Variants in TP63 observed in about 807,000 individuals in gnomAD.
TP63 encodes tumor protein 63.
A neutral mutation model predicts 82.8 loss-of-function variants in TP63; 17 were observed. The observed-to-expected ratio is 0.21, with a 90% CI of 0.14 to 0.31. The LOEUF is 0.31. Among genes scored for constraint, TP63 ranks in the 10% least tolerant of loss-of-function variants. TP63 has a pLI of 1.00. For missense variants in TP63, 648 were observed against 895.3 expected, an observed-to-expected ratio of 0.72 and a Z score of 3.52; for synonymous variants, 330 against 321.7, an observed-to-expected ratio of 1.03 and a Z score of -0.28.
intron 3 of TP63, among the ~76,000 whole-genome samples, chr3:189,744,687 T>C (rs759743138): frequency 2.6e-4 from 39 of 152,340 alleles, no homozygotes; most frequent in Non-Finnish European, 5.1e-4. Flanking sequence ...GAGGGTTGTC[T>C]TGCCACTGCT....
chr3:189,764,721 A>G (rs1276026808), intron 3 of TP63, among the ~76,000 whole-genome samples: 1 of 152,198 alleles, frequency 6.6e-6, no homozygotes, highest in Non-Finnish European at 1.5e-5. Context: ...TCCTCCCAAG[A>G]AGCTGGGAGC....
rs559344389 is a variant in TP63 at position 189,632,256 on chromosome 3, A to C, written c.62+679A>C. On this transcript the variant is annotated intron_variant, in intron 1 of 13. Coordinates refer to ENST00000264731, the MANE Select transcript of TP63 (RefSeq NM_003722.5). Reference sequence around the variant, plus strand: ...AGTCATAAAGTTATGGGAGATATTCAAGTCATATGTAGCAATGTGATGTTA... The same window carrying C: ...AGTCATAAAGTTATGGGAGATATTCCAGTCATATGTAGCAATGTGATGTTA... Among the ~76,000 whole-genome samples the C allele has an allele frequency of 2.2e-4, 34 of 152,274 alleles. 1 individual carries two copies. The highest frequency in any genetic ancestry group is 5.8e-4 in the East Asian group (3 of 5,176).
intron 3 of TP63, chr3:189,789,608 G>T (rs1724914436): frequency 7.7e-7 from 1 of 1,292,090 alleles, no homozygotes. Flanking sequence ...GAAGAGTCCC[G>T]CCTCCTCATG....
In TP63 at chr3:189,681,181, C is replaced by G. The variant is rs1715869287; in HGVS notation, c.62+49604C>G. Among the ~76,000 whole-genome samples, 4 of 150,094 alleles carry G rather than the reference C, an allele frequency of 2.7e-5. No homozygotes were observed. In the Admixed American group the frequency reaches 2.7e-4, roughly 10 times the overall value. ...TTCTCAGCTCCTGGTAATATATTTT[C>G]ATAAGTGAATAGTCACTTATGTATC... On this transcript the variant is annotated intron_variant, in intron 1 of 13. Coordinates refer to ENST00000264731, the MANE Select transcript of TP63 (RefSeq NM_003722.5).
At chr3:189,775,949 G>A (rs1389240558) in intron 3 of TP63, among the ~76,000 whole-genome samples, 3 of 152,072 alleles carry the variant, frequency 2.0e-5, no homozygotes, top group Non-Finnish European at 4.4e-5. Context: ...TCAAATATTG[G>A]ATGCAATACT....
upstream of TP63, among the ~76,000 whole-genome samples, chr3:189,629,212 T>TA (rs1191670047): frequency 5.3e-5 from 8 of 151,656 alleles, no homozygotes; most frequent in Non-Finnish European, 1.0e-4. Context: ...ACCCCATATC[T>TA]AAAAAAACAA....
chr3:189,632,573 G>A (rs754961706), intron 1 of TP63, among the ~76,000 whole-genome samples: 15 of 152,044 alleles, frequency 9.9e-5, no homozygotes, highest in Non-Finnish European at 1.6e-4. Context: ...TGGGTTGTGC[G>A]AAAAGGCAGA....
chr3:189,777,755 AT>A (rs757870411), intron 3 of TP63, among the ~76,000 whole-genome samples: 4,445 of 110,562 alleles, frequency 0.04, 133 homozygotes, highest in Admixed American at 0.12. Context: ...TTGTAAACAT[AT>A]TTTTTTTTTT....
At chr3:189,665,940 C>G (rs1714350273) in intron 1 of TP63, among the ~76,000 whole-genome samples, 1 of 151,616 alleles carries the variant, frequency 6.6e-6, no homozygotes, top group African/African-American at 2.4e-5. Flanking sequence ...TGAAATGCAA[C>G]CAGAAACTTT....
At chr3:189,763,775 G>A (rs6797860) in intron 3 of TP63, among the ~76,000 whole-genome samples, 49,234 of 151,998 alleles carry the variant, frequency 0.32, 8,177 homozygotes, top group East Asian at 0.45. Context: ...TGACTCATCG[G>A]AAGTATTTAA....
intron 1 of TP63, among the ~76,000 whole-genome samples, chr3:189,678,424 T>G (rs1248968874): frequency 1.3e-5 from 2 of 152,074 alleles, no homozygotes; most frequent in African/African-American, 4.8e-5. Flanking sequence ...GGTTCTCTAT[T>G]CTGTTACATT....
chr3:189,823,359 C>G (rs1728993942), intron 4 of TP63, among the ~76,000 whole-genome samples: 2 of 152,170 alleles, frequency 1.3e-5, no homozygotes, highest in South Asian at 4.1e-4. Context: ...TTCAGCACCT[C>G]TTCAGATCGG....
chr3:189,683,450 A>G (rs147462442), intron 1 of TP63, among the ~76,000 whole-genome samples: 45 of 152,338 alleles, frequency 3.0e-4, no homozygotes, highest in African/African-American at 1.0e-3. Context: ...ATAATTTATA[A>G]CATATGCTTA....
chr3:189,894,256 G>A lies in TP63; in HGVS notation c.1797G>A (p.Lys599=), dbSNP rs766498791. The change falls in exon 14 of 14, where the codon AAG becomes AAA. Residue 599 remains lysine, a synonymous_variant. Coordinates refer to ENST00000264731, the MANE Select transcript of TP63 (RefSeq NM_003722.5). ...AGCAATTTCGACATGCGATCTGGAA[G>A]GGCATCCTGGACCACCGGCAGCTCC... ...IPEQFRHAIW[K]GILDHRQLHE... 1.2e-6 allele frequency: 2 copies of A among 1,613,784 alleles called. No individual in the cohort carries two copies. The highest frequency in any genetic ancestry group is 1.7e-5 in the Admixed American group (1 of 59,972).
chr3:189,743,735 C>A (rs1445660789), intron 3 of TP63, among the ~76,000 whole-genome samples: 3 of 152,188 alleles, frequency 2.0e-5, no homozygotes, highest in South Asian at 2.1e-4. Context: ...AGGGAAAAAA[C>A]CGGAATTCAA....
intron 4 of TP63, among the ~76,000 whole-genome samples, chr3:189,843,207 A>G (rs1464385388): frequency 2.6e-5 from 4 of 152,158 alleles, no homozygotes; most frequent in African/African-American, 7.2e-5. Context: ...AAGACCCAGG[A>G]CACATTACTC....
chr3:189,894,801 T>A lies in TP63; in HGVS notation c.*299T>A. 2.3e-6 allele frequency: 1 copy of A among 430,934 alleles called. No homozygotes were observed. Among genetic ancestry groups the A allele is most frequent in the Non-Finnish European group, 4.3e-6 (1 of 234,776 alleles). 26.7% of individuals were successfully genotyped at this position (430,934 alleles called of 1,614,324 possible). A position where few individuals can be genotyped will look rare whatever the true frequency, so the allele number is the denominator to read the frequency against. ...TGCAGAGATTTCTCATTGACTTTTA[T>A]AAAGCATGTTCACCCTTATAGTCTA... On this transcript the variant is annotated 3_prime_UTR_variant, in exon 14 of 14. Transcript: ENST00000264731.
intron 1 of TP63, among the ~76,000 whole-genome samples, chr3:189,700,321 T>TC (rs1386448082): frequency 2.0e-5 from 3 of 152,186 alleles, no homozygotes; most frequent in Non-Finnish European, 4.4e-5. Context: ...AATGGTGCCA[T>TC]CATTCATAGA....
At chr3:189,778,440 A>T (rs1356215638) in intron 3 of TP63, among the ~76,000 whole-genome samples, 1 of 152,058 alleles carries the variant, frequency 6.6e-6, no homozygotes, top group Non-Finnish European at 1.5e-5. Flanking sequence ...AGGATGAAAA[A>T]CTCAAATGTG....
Sources: allele counts gnomAD v4.1 joint callset (sites outside exome capture counted in the v4.1 genomes callset), GRCh38; gene constraint gnomAD v4.1.1; transcripts MANE v1.5; gene names NCBI Gene and HGNC (gene_info 2026-07-23, HGNC 2026-07-21).